JPH2: variants seen among roughly 807,000 people sequenced by gnomAD.
JPH2 encodes junctophilin 2, also known as junctophilin-2.
In JPH2, 38 loss-of-function variants were observed where a neutral mutation model predicts 55.9. That is an observed-to-expected ratio of 0.68 (90% confidence interval 0.52 to 0.89). The LOEUF (loss-of-function observed/expected upper bound fraction) is 0.89. JPH2 is among the 40% of genes least tolerant of loss of function. The pLI, the probability that JPH2 is intolerant of heterozygous loss-of-function variation, is 0.00. For synonymous variants in JPH2, 480 were observed against 472.4 expected, an observed-to-expected ratio of 1.02 and a Z score of -0.21; for missense variants, 964 against 1,037.6, an observed-to-expected ratio of 0.93 and a Z score of 0.97.
At chr20:44,128,746 G>A (rs921547935) in intron 2 of JPH2, among the ~76,000 whole-genome samples, 1 of 151,802 alleles carries the variant, frequency 6.6e-6, no homozygotes, top group Non-Finnish European at 1.5e-5. Context: ...GGGTGCAGTG[G>A]TGCAATCATA....
intron 2 of JPH2, among the ~76,000 whole-genome samples, chr20:44,147,398 A>G (rs1490912071): frequency 6.6e-6 from 1 of 152,236 alleles, no homozygotes; most frequent in Non-Finnish European, 1.5e-5. Context: ...CCTCCACACT[A>G]CGGACTAGCA....
rs906723425 is a variant in JPH2 at position 44,111,086 on chromosome 20, T to C, written c.*2432A>G. Among the ~76,000 whole-genome samples the C allele has an allele frequency of 2.6e-5, 4 of 152,228 alleles. No homozygotes were observed. The highest frequency in any genetic ancestry group is 2.1e-4 in the South Asian group (1 of 4,830). ...CCACCAACTTGCTGTGTGCGTGACC[T>C]TGGGCAAGTCCCTCTGCTCTAAGCC... On this transcript the variant is annotated 3_prime_UTR_variant, in exon 6 of 6. Coordinates refer to ENST00000372980, the MANE Select transcript of JPH2 (RefSeq NM_020433.5).
intron 2 of JPH2, among the ~76,000 whole-genome samples, chr20:44,124,809 G>GAA (rs566957589): frequency 1.2e-3 from 171 of 143,032 alleles, no homozygotes; most frequent in African/African-American, 4.1e-3. Flanking sequence ...TGAATGGTTA[G>GAA]AAAAAAAAAA....
rs187142578 is a variant in JPH2, at chr20:44,140,614, G to A, written c.1169+19004C>T. On this transcript the variant is annotated intron_variant, in intron 2 of 5. Coordinates refer to ENST00000372980, the MANE Select transcript of JPH2 (RefSeq NM_020433.5). The stretch of plus-strand genomic sequence containing the variant: ...GTAGCTCTGAAAACGCATTCCCACC[G>A]CTGCCCCTCCCTCCTATCTGGTCCT... Among the ~76,000 whole-genome samples the A allele has an allele frequency of 6.2e-3, 949 of 151,966 alleles. 8 individuals carry two copies. The highest frequency in any genetic ancestry group is 9.5e-3 in the Non-Finnish European group (643 of 67,938).
intron 2 of JPH2, among the ~76,000 whole-genome samples, chr20:44,128,184 A>C (rs2072290945): frequency 6.6e-6 from 1 of 152,224 alleles, no homozygotes; most frequent in Admixed American, 6.5e-5. Context: ...GCCTAATCCA[A>C]GGTCAAAAAA....
At chr20:44,117,434 G>A (rs2072201554) in intron 3 of JPH2, among the ~76,000 whole-genome samples, 1 of 152,238 alleles carries the variant, frequency 6.6e-6, no homozygotes, top group Non-Finnish European at 1.5e-5. Flanking sequence ...CCTACTTTGT[G>A]ATGTGGCTTC....
chr20:44,173,483 A>G (rs1302850551), intron 1 of JPH2, among the ~76,000 whole-genome samples: 1 of 152,194 alleles, frequency 6.6e-6, no homozygotes, highest in Non-Finnish European at 1.5e-5. Flanking sequence ...CTATCCTTAA[A>G]AAATGCTACC....
At chr20:44,162,773 TATATATATATATATACACAC>T (rs2072621231) in intron 1 of JPH2, among the ~76,000 whole-genome samples, 1 of 81,926 alleles carries the variant, frequency 1.2e-5, no homozygotes, top group African/African-American at 5.1e-5. Context: ...TATATATATA[TATATATATATATATACACAC>T]ACACACACAC....
chr20:44,185,489 G>A (rs968029942), intron 1 of JPH2, among the ~76,000 whole-genome samples: 1 of 150,950 alleles, frequency 6.6e-6, no homozygotes, highest in Non-Finnish European at 1.5e-5. Context: ...ACAAAAATTA[G>A]CCAGGCATGG....
intron 2 of JPH2, among the ~76,000 whole-genome samples, chr20:44,137,193 C>T (rs570546634): frequency 2.6e-5 from 4 of 152,344 alleles, no homozygotes; most frequent in East Asian, 1.9e-4. Flanking sequence ...CCCTGGGGCT[C>T]GCCTGCCCAG....
chr20:44,152,457 C>T (rs2072537904), intron 2 of JPH2, among the ~76,000 whole-genome samples: 1 of 152,138 alleles, frequency 6.6e-6, no homozygotes, highest in African/African-American at 2.4e-5. Flanking sequence ...AGGAGGATAG[C>T]TTGAGCCAAG....
chr20:44,146,669 C>T (rs2072496132), intron 2 of JPH2, among the ~76,000 whole-genome samples: 1 of 152,158 alleles, frequency 6.6e-6, no homozygotes, highest in South Asian at 2.1e-4. Context: ...AAGCCAGAGA[C>T]ACTGAGAAAA....
intron 2 of JPH2, among the ~76,000 whole-genome samples, chr20:44,134,783 T>A (rs1600843386): frequency 1.0e-5 from 1 of 99,778 alleles, no homozygotes; most frequent in Non-Finnish European, 1.9e-5. Context: ...TTTATAAATA[T>A]ACATAAATAT....
At chr20:44,156,718 C>T (rs2072568978) in intron 2 of JPH2, among the ~76,000 whole-genome samples, 1 of 152,188 alleles carries the variant, frequency 6.6e-6, no homozygotes, top group Non-Finnish European at 1.5e-5. Context: ...GAGGATTAAT[C>T]ACCTCTCAAA....
chr20:44,108,620 G>A lies in JPH2; in HGVS notation c.*4898C>T. Among the ~76,000 whole-genome samples, 1 of 136,172 alleles carries A rather than the reference G, an allele frequency of 7.3e-6. No individual in the cohort carries two copies. The highest frequency in any genetic ancestry group is 7.3e-5 in the Admixed American group (1 of 13,712). The allele number at this position is 136,172 out of a possible 152,430, so 89.3% of individuals were successfully genotyped here. Reference sequence around the variant, plus strand: ...TGCACTCCAGCCTGGGTGACAGAATGAGACTCTGTCTCAAAAAAAAAAAAA... The same window carrying A: ...TGCACTCCAGCCTGGGTGACAGAATAAGACTCTGTCTCAAAAAAAAAAAAA... On this transcript the variant is annotated 3_prime_UTR_variant, in exon 6 of 6. Coordinates refer to ENST00000372980, the MANE Select transcript of JPH2 (RefSeq NM_020433.5).
intron 2 of JPH2, among the ~76,000 whole-genome samples, chr20:44,141,340 A>G (rs1207919964): frequency 6.6e-6 from 1 of 152,186 alleles, no homozygotes; most frequent in Non-Finnish European, 1.5e-5. Flanking sequence ...CTAGGTGTGC[A>G]GTGGCTATTT....
intron 1 of JPH2, among the ~76,000 whole-genome samples, chr20:44,175,976 G>A (rs891834034): frequency 6.6e-6 from 1 of 152,140 alleles, no homozygotes; most frequent in African/African-American, 2.4e-5. Context: ...ATGGTGTCCA[G>A]TACTGAACTC....
At chr20:44,140,639 T>C (rs555692926) in intron 2 of JPH2, among the ~76,000 whole-genome samples, 2 of 152,170 alleles carry the variant, frequency 1.3e-5, no homozygotes, top group East Asian at 3.9e-4. Flanking sequence ...TATCTGGTCC[T>C]ATGGCACATG....
rs186528344 is a variant in JPH2 at position 44,186,293 on chromosome 20, C to A, written c.379+34G>T. On this transcript the variant is annotated intron_variant, in intron 1 of 5. Transcript: ENST00000372980. The stretch of plus-strand genomic sequence containing the variant: ...CAGGGTTTCTCACCCTCCCTGGCTC[C>A]ACCCCACCTCTGCGGGCCCCCAGCT... 870 of 1,606,960 alleles carry A rather than the reference C, an allele frequency of 5.4e-4. 4 individuals are homozygous for A. In the African/African-American group the frequency reaches 0.01, roughly 19 times the overall value.
Sources: gnomAD v4.1 joint callset for allele counts (sites outside exome capture counted in the v4.1 genomes callset) on GRCh38, gnomAD v4.1.1 for gene constraint, MANE v1.5 for transcripts, NCBI Gene and HGNC (gene_info 2026-07-23, HGNC 2026-07-21) for gene names.